C13orf42: variants seen among roughly 807,000 people sequenced by gnomAD.
C13orf42 encodes the protein chromosome 13 open reading frame 42.
In C13orf42 at chr13:51,087,908, A is replaced by T. The variant is rs1358600087; in HGVS notation, c.562+20T>A. 3 of 398,826 alleles carry T rather than the reference A, an allele frequency of 7.5e-6. No individual in the cohort carries two copies. The East Asian group carries it at 1.1e-4, about 14-fold the overall frequency. 24.7% of individuals were successfully genotyped at this position (398,826 alleles called of 1,614,324 possible). ...ACCCGCCTTCAGCCACCATCTTCCC[A>T]CTGCCTTCCTGGCACTCACCGTCAA... is the stretch of plus-strand genomic sequence containing the variant. On this transcript the variant is annotated intron_variant, in intron 2 of 3. Transcript: ENST00000563710.
chr13:51,169,257 A>G (rs1953926472), intron 1 of C13orf42, among the ~76,000 whole-genome samples: 1 of 152,220 alleles, frequency 6.6e-6, no homozygotes, highest in South Asian at 2.1e-4. Context: ...TGACAGTGCT[A>G]TGGACAACGA....
chr13:51,159,065 A>C (rs992413941), intron 1 of C13orf42, among the ~76,000 whole-genome samples: 2 of 152,152 alleles, frequency 1.3e-5, no homozygotes, highest in Non-Finnish European at 2.9e-5. Context: ...GCCAGAATGA[A>C]TCCACCAATC....
chr13:51,163,847 T>C (rs1328982234), intron 1 of C13orf42, among the ~76,000 whole-genome samples: 1 of 152,128 alleles, frequency 6.6e-6, no homozygotes, highest in Non-Finnish European at 1.5e-5. Flanking sequence ...GAAGGATGGG[T>C]ACTAAGCAGT....
At chr13:51,167,564 G>A (rs1042034666) in intron 1 of C13orf42, among the ~76,000 whole-genome samples, 1 of 152,186 alleles carries the variant, frequency 6.6e-6, no homozygotes, top group African/African-American at 2.4e-5. Flanking sequence ...CCCTGATGGT[G>A]GTGCGGGGAG....
chr13:51,129,968 C>G (rs1425437303), intron 1 of C13orf42, among the ~76,000 whole-genome samples: 3 of 152,172 alleles, frequency 2.0e-5, no homozygotes, highest in Non-Finnish European at 4.4e-5. Flanking sequence ...ACAATGGCAG[C>G]CCGGGTTCAG....
chr13:51,146,004 G>A (rs535420718), intron 1 of C13orf42, among the ~76,000 whole-genome samples: 31 of 152,186 alleles, frequency 2.0e-4, no homozygotes, highest in African/African-American at 6.5e-4. Context: ...TCAACTTTTC[G>A]GGGTTCATAG....
At chr13:51,115,664 T>G (rs923731546), upstream of C13orf42, among the ~76,000 whole-genome samples, 2 of 150,870 alleles carry the variant, frequency 1.3e-5, no homozygotes, top group African/African-American at 4.9e-5. Flanking sequence ...GGCAGGGAGG[T>G]GGGGGTGATG....
chr13:51,123,111 C>T (rs1004203141), intron 1 of C13orf42, among the ~76,000 whole-genome samples: 14 of 152,174 alleles, frequency 9.2e-5, no homozygotes, highest in African/African-American at 1.9e-4. Flanking sequence ...GATTAACCAA[C>T]GTACAAGGCA....
At chr13:51,141,274 A>C (rs770723108) in intron 1 of C13orf42, among the ~76,000 whole-genome samples, 13 of 148,396 alleles carry the variant, frequency 8.8e-5, no homozygotes, top group Non-Finnish European at 1.6e-4. Context: ...TTCTGTTTCC[A>C]CCTGATTTTT....
intron 1 of C13orf42, among the ~76,000 whole-genome samples, chr13:51,139,120 T>A (rs1953678792): frequency 6.6e-6 from 1 of 152,074 alleles, no homozygotes; most frequent in Non-Finnish European, 1.5e-5. Context: ...AGTTTGAGAC[T>A]AGTCTGACCA....
At chr13:51,099,633 T>C (rs1162217994) in intron 1 of C13orf42, among the ~76,000 whole-genome samples, 1 of 152,188 alleles carries the variant, frequency 6.6e-6, no homozygotes, top group African/African-American at 2.4e-5. Flanking sequence ...AGCTTTATAA[T>C]GTTTGTTTTT....
chr13:51,138,897 T>C (rs1953676990), intron 1 of C13orf42, among the ~76,000 whole-genome samples: 1 of 152,180 alleles, frequency 6.6e-6, no homozygotes, highest in Non-Finnish European at 1.5e-5. Context: ...GTCAAATATA[T>C]ATACATAAGG....
intron 1 of C13orf42, among the ~76,000 whole-genome samples, chr13:51,152,634 C>G (rs2138039736): frequency 1.3e-5 from 2 of 152,310 alleles, no homozygotes; most frequent in Middle Eastern, 6.8e-3. Context: ...GAAAACACAA[C>G]TTCAGCTCTA....
chr13:51,148,261 C>T (rs1252591895), intron 1 of C13orf42, among the ~76,000 whole-genome samples: 1 of 152,256 alleles, frequency 6.6e-6, no homozygotes, highest in African/African-American at 2.4e-5. Context: ...TCAGCCAAGC[C>T]TCTTCATCTC....
intron 1 of C13orf42, among the ~76,000 whole-genome samples, chr13:51,090,647 G>A (rs1409101527): frequency 2.0e-5 from 3 of 152,146 alleles, no homozygotes; most frequent in African/African-American, 7.2e-5. Context: ...TTTGATTTAA[G>A]TGATTCAGTC....
chr13:51,158,419 A>G (rs1593556602), intron 1 of C13orf42, among the ~76,000 whole-genome samples: 1 of 152,264 alleles, frequency 6.6e-6, no homozygotes, highest in African/African-American at 2.4e-5. Flanking sequence ...ATAATATTTT[A>G]AAAGCACCTC....
chr13:51,149,312 G>GAAAAA (rs60935214), intron 1 of C13orf42, among the ~76,000 whole-genome samples: 1 of 103,084 alleles, frequency 9.7e-6, no homozygotes, highest in Non-Finnish European at 1.9e-5. Flanking sequence ...GGCTGAAATT[G>GAAAAA]AAAAAAAAAA....
chr13:51,146,195 T>TGTTAAC (rs1953733798), intron 1 of C13orf42, among the ~76,000 whole-genome samples: 1 of 151,522 alleles, frequency 6.6e-6, no homozygotes, highest in South Asian at 2.1e-4. Context: ...CACCCAAAAT[T>TGTTAAC]AACCTATTTT....
At chr13:51,134,146 C>T (rs1953639521) in intron 1 of C13orf42, among the ~76,000 whole-genome samples, 1 of 152,150 alleles carries the variant, frequency 6.6e-6, no homozygotes, top group Admixed American at 6.5e-5. Context: ...CTTCTCAGGA[C>T]CAAAAATAGC....
Sources: allele counts gnomAD v4.1 joint callset (sites outside exome capture counted in the v4.1 genomes callset), GRCh38; gene constraint gnomAD v4.1.1; transcripts MANE v1.5; gene names NCBI Gene and HGNC (gene_info 2026-07-23, HGNC 2026-07-21).